Variants in FILIP1L observed in about 807,000 individuals in gnomAD.
The protein encoded by FILIP1L is filamin A interacting protein 1 like.
FILIP1L carries 55 observed loss-of-function variants against 96.6 expected under a neutral mutation model. That is an observed-to-expected ratio of 0.57 (90% CI 0.46 to 0.71). The LOEUF (loss-of-function observed/expected upper bound fraction) is 0.71. Ranked by LOEUF, FILIP1L falls within the 30% of genes least tolerant of loss-of-function variation. The probability of loss-of-function intolerance (pLI) is 0.00; values close to 1 mark genes in which losing one functional copy is unlikely to be tolerated. For missense variants in FILIP1L, 1,304 were observed against 1,321.2 expected (o/e 0.99, Z 0.20); for synonymous variants, 467 against 473.9 (o/e 0.99, Z 0.19).
intron 1 of FILIP1L, among the ~76,000 whole-genome samples, chr3:100,066,281 A>G (rs2065661795): frequency 6.6e-6 from 1 of 152,196 alleles, no homozygotes; most frequent in South Asian, 2.1e-4. Flanking sequence ...ATGAGAGTCA[A>G]TCACTCATTT....
At chr3:99,842,903 C>T (rs761645408) in intron 5 of FILIP1L, among the ~76,000 whole-genome samples, 6 of 152,150 alleles carry the variant, frequency 3.9e-5, no homozygotes, top group African/African-American at 7.2e-5. Flanking sequence ...GCTAGACTCC[C>T]TCAAGATTCC....
chr3:99,894,595 G>A (rs917219848), intron 4 of FILIP1L, among the ~76,000 whole-genome samples: 1 of 152,182 alleles, frequency 6.6e-6, no homozygotes, highest in Non-Finnish European at 1.5e-5. Context: ...CAGCAAGGAG[G>A]AAAGTGAATA....
chr3:100,108,813 G>A (rs1018469998), intron 1 of FILIP1L, among the ~76,000 whole-genome samples: 3 of 152,156 alleles, frequency 2.0e-5, no homozygotes, highest in African/African-American at 7.2e-5. Flanking sequence ...AGCACAGCGT[G>A]TGGTTGTGGT....
At chr3:99,897,716 T>C (rs572535622) in intron 4 of FILIP1L, among the ~76,000 whole-genome samples, 2 of 152,224 alleles carry the variant, frequency 1.3e-5, no homozygotes, top group African/African-American at 2.4e-5. Flanking sequence ...TAGTTTATTA[T>C]ATTTTTTGTC....
chr3:100,080,240 C>T (rs2065910531), intron 1 of FILIP1L, among the ~76,000 whole-genome samples: 1 of 152,104 alleles, frequency 6.6e-6, no homozygotes, highest in Non-Finnish European at 1.5e-5. Context: ...GCCTTGGCCT[C>T]CCAAAGTATT....
In FILIP1L at chr3:99,927,119, A is replaced by G. The variant is rs145442496; in HGVS notation, c.427-2711T>C. Among the ~76,000 whole-genome samples the G allele has an allele frequency of 2.0e-5, 3 of 152,302 alleles. No individual in the cohort carries two copies. The East Asian group carries it at 5.8e-4, about 29-fold the overall frequency. On this transcript the variant is annotated intron_variant, in intron 3 of 5. Transcript: ENST00000477258. ...CTTCAGGCAGTTCTTACAATTCACC[A>G]TGGTGCTTCAAGACTGCTTTTTTCA...
chr3:99,901,588 A>G (rs1331763519), intron 4 of FILIP1L, among the ~76,000 whole-genome samples: 1 of 152,236 alleles, frequency 6.6e-6, no homozygotes, highest in Non-Finnish European at 1.5e-5. Context: ...TTGTGCTGAC[A>G]ATAATATTAC....
At chr3:99,840,882 A>G (rs948242255) in intron 5 of FILIP1L, among the ~76,000 whole-genome samples, 2 of 152,188 alleles carry the variant, frequency 1.3e-5, no homozygotes, top group African/African-American at 4.8e-5. Flanking sequence ...TTTTCACTTA[A>G]CTGAGGCTTT....
intron 4 of FILIP1L, among the ~76,000 whole-genome samples, chr3:99,903,043 C>T (rs1706488512): frequency 6.6e-6 from 1 of 152,072 alleles, no homozygotes; most frequent in East Asian, 1.9e-4. Context: ...GGTTTAATTC[C>T]TTTCCTGCCC....
chr3:99,891,671 C>T (rs1449421766), intron 4 of FILIP1L, among the ~76,000 whole-genome samples: 1 of 151,890 alleles, frequency 6.6e-6, no homozygotes, highest in African/African-American at 2.4e-5. Flanking sequence ...AATCTCATAC[C>T]GAAAATCAGC....
At chr3:100,021,592 A>T (rs1019129896) in intron 1 of FILIP1L, among the ~76,000 whole-genome samples, 2 of 152,166 alleles carry the variant, frequency 1.3e-5, no homozygotes, top group African/African-American at 4.8e-5. Context: ...CTGTACTGTG[A>T]CCCCATTTTA....
At chr3:99,837,860 T>G (rs1024391341) in intron 5 of FILIP1L, among the ~76,000 whole-genome samples, 1 of 152,234 alleles carries the variant, frequency 6.6e-6, no homozygotes, top group African/African-American at 2.4e-5. Flanking sequence ...TTGGTGGTGC[T>G]TGTCTTTATA....
intron 1 of FILIP1L, among the ~76,000 whole-genome samples, chr3:99,932,924 A>G (rs768136378): frequency 1.3e-5 from 2 of 152,198 alleles, no homozygotes; most frequent in Admixed American, 6.5e-5. Flanking sequence ...TTCAGGTCCA[A>G]TGACCTGATC....
intron 1 of FILIP1L, among the ~76,000 whole-genome samples, chr3:100,025,149 T>C (rs1576650502): frequency 6.6e-6 from 1 of 152,170 alleles, no homozygotes; most frequent in African/African-American, 2.4e-5. Context: ...TCAATGACCA[T>C]ACTTAGCTAA....
intron 1 of FILIP1L, among the ~76,000 whole-genome samples, chr3:100,087,264 G>T (rs1316426814): frequency 6.6e-6 from 1 of 152,196 alleles, no homozygotes; most frequent in Non-Finnish European, 1.5e-5. Context: ...ATCTTATAAA[G>T]AACTGCCAAA....
At chr3:99,892,054 G>A (rs1706098645) in intron 4 of FILIP1L, among the ~76,000 whole-genome samples, 1 of 152,336 alleles carries the variant, frequency 6.6e-6, no homozygotes, top group East Asian at 1.9e-4. Context: ...AGAGCCTGAT[G>A]TAAAGAGGGA....
chr3:99,923,265 T>C (rs1032846846), intron 4 of FILIP1L, among the ~76,000 whole-genome samples: 2 of 152,198 alleles, frequency 1.3e-5, no homozygotes, highest in Admixed American at 6.5e-5. Flanking sequence ...TCTACAGACC[T>C]ATATTTCTGA....
intron 1 of FILIP1L, among the ~76,000 whole-genome samples, chr3:99,991,501 T>G (rs879780001): frequency 2.0e-5 from 3 of 152,180 alleles, no homozygotes; most frequent in African/African-American, 2.4e-5. Context: ...ATTTCTTACA[T>G]GCATATATTG....
chr3:99,876,425 C>G (rs1308253802), intron 4 of FILIP1L, among the ~76,000 whole-genome samples: 2 of 152,234 alleles, frequency 1.3e-5, no homozygotes, highest in Non-Finnish European at 2.9e-5. Context: ...TCCTGTCGGG[C>G]TAACAAAGTC....
Sources: gnomAD v4.1 joint callset for allele counts (sites outside exome capture counted in the v4.1 genomes callset) on GRCh38, gnomAD v4.1.1 for gene constraint, MANE v1.5 for transcripts, NCBI Gene and HGNC (gene_info 2026-07-23, HGNC 2026-07-21) for gene names.